The following C1QTNF4 variants were observed in gnomAD, a reference collection of about 807,000 sequenced individuals.
The protein encoded by C1QTNF4 is complement C1q tumor necrosis factor-related protein 4.
Under a neutral mutation model 14.6 loss-of-function variants are expected in C1QTNF4, and 12 were observed. The ratio of observed to expected loss-of-function variants is 0.82; its 90% CI spans 0.53 to 1.33. C1QTNF4 has a LOEUF of 1.33. Ranked by LOEUF, C1QTNF4 falls within the 40% of genes most tolerant of loss-of-function variation. C1QTNF4 has a pLI of 0.00. For missense variants in C1QTNF4, 558 were observed against 500.3 expected (o/e 1.12, Z -1.10); for synonymous variants, 278 against 246.6 (o/e 1.13, Z -1.19).
At chr11:47,592,480 A>G (rs1201387322) in intron 1 of C1QTNF4, among the ~76,000 whole-genome samples, 3 of 152,088 alleles carry the variant, frequency 2.0e-5, no homozygotes, top group African/African-American at 4.8e-5. Context: ...GACAAAAGTG[A>G]TCTGGTCCAG....
chr11:47,590,881 C>T (rs2097275256), intron 1 of C1QTNF4, 66 bp from the exon 2 acceptor site: 7 of 1,431,030 alleles, frequency 4.9e-6, no homozygotes, highest in Non-Finnish European at 6.4e-6. Context: ...GCCCGGCTCT[C>T]CACCGGGAGA....
chr11:47,589,692 C>T lies in C1QTNF4; in HGVS notation c.*129G>A. On this transcript the variant is annotated 3_prime_UTR_variant, in exon 2 of 2. Coordinates refer to ENST00000302514, the MANE Select transcript of C1QTNF4 (RefSeq NM_031909.3). ...TGGGCTGCCGGGCGCTGCGCGTGCC[C>T]GCTTTCCGCTTTATTGGCAGAGTCC... 3.2e-6 allele frequency: 3 copies of T among 930,630 alleles called. No individual in the cohort carries two copies. The highest frequency in any genetic ancestry group is 4.5e-6 in the Non-Finnish European group (3 of 663,882). The allele number at this position is 930,630 out of a possible 1,614,324, so 57.6% of individuals were successfully genotyped here.
At position 47,589,965 on chromosome 11, in the gene C1QTNF4, G is replaced by C; in HGVS notation, c.846C>G (p.Asp282Glu). 1 of 1,610,686 alleles carries C rather than the reference G, an allele frequency of 6.2e-7. No homozygotes were observed. Reference protein sequence around the residue: ...QSVMLALRRGDAVWLLSHDHD... With the variant: ...QSVMLALRRGEAVWLLSHDHD... ...GGTCGTGGCTGAGCAGCCAGACGGC[G>C]TCGCCGCGCCGCAGGGCCAGCATCA... The change falls in exon 2 of 2, where the codon GAC (aspartate) becomes GAG (glutamate). Residue 282 changes from aspartate (D) to glutamate (E), a missense_variant. Physicochemically the swap from Asp to Glu is conservative, Grantham distance 45. Coordinates refer to ENST00000302514, the MANE Select transcript of C1QTNF4 (RefSeq NM_031909.3).
At chr11:47,592,966 G>A (rs574235443) in intron 1 of C1QTNF4, among the ~76,000 whole-genome samples, 17 of 152,316 alleles carry the variant, frequency 1.1e-4, no homozygotes, top group Admixed American at 9.2e-4. Flanking sequence ...GATTAGTTAG[G>A]TGTCCCTTGG....
chr11:47,589,917 G>A lies in C1QTNF4; in HGVS notation c.894C>T (p.Ser298=), dbSNP rs1417825311. 1 of 1,597,632 alleles carries A rather than the reference G, an allele frequency of 6.3e-7. No homozygotes were observed. Among genetic ancestry groups the A allele is most frequent in the Non-Finnish European group, 8.5e-7 (1 of 1,172,170 alleles). The stretch of plus-strand genomic sequence containing the variant: ...AGAAGGTGATGTACTTGCCGTGGTT[G>A]CTGTAGGCGCCGTAGCCGTCGTGGT... ...SHDHDGYGAY[S]NHGKYITFSG... is the part of the protein sequence containing the mutation. Residue 298 remains serine (S), a synonymous_variant, in exon 2 of 2, where the codon AGC becomes AGT. Coordinates refer to ENST00000302514, the MANE Select transcript of C1QTNF4 (RefSeq NM_031909.3).
In C1QTNF4 at chr11:47,589,826, G is replaced by A. The variant is rs1234050308; in HGVS notation, c.985C>T (p.Leu329=). 6 of 1,537,764 alleles carry A rather than the reference G, an allele frequency of 3.9e-6. No homozygotes were observed. Among genetic ancestry groups the A allele is most frequent in the African/African-American group, 1.4e-5 (1 of 72,420 alleles). The change falls in exon 2 of 2, where the codon CTG becomes TTG. Residue 329 remains leucine, a synonymous_variant. Transcript: ENST00000302514. The part of the protein sequence containing the change: ...APPGLGASEL[L] ...GCTCTTCTCTGGCCCGGGGCTCACA[G>A]TAGCTCCGAGGCCCCGAGGCCCGGC...
Position 47,590,296 on chromosome 11 carries a change from G to A in C1QTNF4, c.515C>T (p.Pro172Leu). The A allele has an allele frequency of 8.6e-7, 1 of 1,161,692 alleles. No homozygotes were observed. Among genetic ancestry groups the A allele is most frequent in the Non-Finnish European group, 1.1e-6 (1 of 940,944 alleles). The allele number at this position is 1,161,692 out of a possible 1,614,324, so 72.0% of individuals were successfully genotyped here. A position where few individuals can be genotyped will look rare whatever the true frequency, so the allele number is the denominator to read the frequency against. Residue 172 changes from proline (P) to leucine (L), a missense_variant, in exon 2 of 2, where the codon CCC (proline) becomes CTC (leucine). Transcript: ENST00000302514. ...ADAPARGPPA[P>L]PEPRSAFSAA... The stretch of plus-strand genomic sequence containing the variant: ...CGAGAAGGCCGAGCGCGGCTCGGGG[G>A]GCGCGGGCGGCCCGCGCGCAGGCGC...
In C1QTNF4 at chr11:47,590,472, G is replaced by C; in HGVS notation, c.339C>G (p.Gly113=). The part of the protein sequence containing the change: ...ALAFDEQRRP[G]ARRAASQSAM... ...CGCTCTGGCTGGCTGCGCGCCGCGCGCCTGGCCGCCGCTGCTCGTCGAAGG... is the reference window on the plus strand; with the variant it reads ...CGCTCTGGCTGGCTGCGCGCCGCGCCCCTGGCCGCCGCTGCTCGTCGAAGG... The change falls in exon 2 of 2, where the codon GGC becomes GGG. Residue 113 remains glycine, a synonymous_variant. Transcript: ENST00000302514. 6.5e-7 allele frequency: 1 copy of C among 1,532,062 alleles called. No individual in the cohort carries two copies. The highest frequency in any genetic ancestry group is 1.2e-5 in the South Asian group (1 of 82,566). 94.9% of individuals were successfully genotyped at this position (1,532,062 alleles called of 1,614,324 possible).
Position 47,590,405 on chromosome 11 carries a change from G to A in C1QTNF4, c.406C>T (p.Leu136=), listed in dbSNP as rs1394239296. The A allele has an allele frequency of 1.3e-6, 2 of 1,486,438 alleles. No individual in the cohort carries two copies. Among genetic ancestry groups the A allele is most frequent in the African/African-American group, 1.4e-5 (1 of 70,652 alleles). 92.1% of individuals were successfully genotyped at this position (1,486,438 alleles called of 1,614,324 possible). A position where few individuals can be genotyped will look rare whatever the true frequency, so the allele number is the denominator to read the frequency against. ...LDYGDTVWLR[L]HGAPQYALGA... is the part of the protein sequence containing the mutation. ...AGCGCGTACTGCGGGGCGCCATGCA[G>A]CCGCAGCCACACTGTGTCGCCGTAG... Residue 136 remains leucine, a synonymous_variant, in exon 2 of 2, where the codon CTG becomes TTG. Transcript: ENST00000302514.
At position 47,594,310 on chromosome 11, in the gene C1QTNF4, T is replaced by G. The variant is rs2153796280; in HGVS notation, c.-168A>C. The G allele has an allele frequency of 6.6e-6, 1 of 152,092 alleles. No individual in the cohort carries two copies. The highest frequency in any genetic ancestry group is 2.4e-5 in the African/African-American group (1 of 41,454). The allele number at this position is 152,092 out of a possible 1,614,324, so 9.4% of individuals were successfully genotyped here. ...GGGCTCCGGCTGCTTTTCCCGGCTC[T>G]GAGGCGGCAGCGGACAGGGTGCTGG... On this transcript the variant is annotated 5_prime_UTR_variant, in exon 1 of 2. Transcript: ENST00000302514.
chr11:47,590,038 A>G lies in C1QTNF4; in HGVS notation c.773T>C (p.Ile258Thr). 1.9e-6 allele frequency: 3 copies of G among 1,612,630 alleles called. No homozygotes were observed. Among genetic ancestry groups the G allele is most frequent in the Non-Finnish European group, 2.5e-6 (3 of 1,179,046 alleles). Reference sequence around the variant, plus strand: ...GCGCCGCGACGCGCCGTCGTCGTAAATCATGGCCTGCACCTCGTCGCGGTT... The same window carrying G: ...GCGCCGCGACGCGCCGTCGTCGTAAGTCATGGCCTGCACCTCGTCGCGGTT... ...MKNRDEVQAM[I>T]YDDGASRRRE... Residue 258 changes from isoleucine to threonine, a missense_variant, in exon 2 of 2, where the codon ATT becomes ACT. Ile to Thr is a moderately conservative substitution (Grantham distance 89). Transcript: ENST00000302514.
Position 47,590,615 on chromosome 11 carries a change from C to T in C1QTNF4, c.196G>A (p.Gly66Ser). ...CCGGGCACGCGGCAGCGAAACTGGCCGGTGGCCACATCGAAGTCGCCCCCG... is the reference window on the plus strand; with the variant it reads ...CCGGGCACGCGGCAGCGAAACTGGCTGGTGGCCACATCGAAGTCGCCCCCG... ...NIGGDFDVAT[G>S]QFRCRVPGAY... Residue 66 changes from glycine (G) to serine (S), a missense_variant, in exon 2 of 2, where the codon GGC becomes AGC. Coordinates refer to ENST00000302514, the MANE Select transcript of C1QTNF4 (RefSeq NM_031909.3). The T allele has an allele frequency of 1.2e-6, 2 of 1,609,718 alleles. No individual in the cohort carries two copies. Among genetic ancestry groups the T allele is most frequent in the Non-Finnish European group, 1.7e-6 (2 of 1,178,726 alleles).
At chr11:47,590,926 C>A (rs1289304303) in intron 1 of C1QTNF4, 111 bp from the exon 2 acceptor site, 1 of 1,410,630 alleles carries the variant, frequency 7.1e-7, no homozygotes, top group Non-Finnish European at 9.2e-7. Flanking sequence ...CCTTGACCCA[C>A]AAGTAGGTTT....
Position 47,590,747 on chromosome 11 carries a change from C to T in C1QTNF4, c.64G>A (p.Gly22Ser), listed in dbSNP as rs375316945. 6.9e-6 allele frequency: 11 copies of T among 1,598,288 alleles called. No homozygotes were observed. Among genetic ancestry groups the T allele is most frequent in the African/African-American group, 1.3e-5 (1 of 74,494 alleles). ...AACWALGPTP[G>S]PGSSELRSAF... The stretch of plus-strand genomic sequence containing the variant: ...GAGCGCAGCTCAGAGGATCCCGGGC[C>T]GGGGGTCGGGCCCAGGGCCCAGCAG... The change falls in exon 2 of 2, where the codon GGC becomes AGC. Residue 22 changes from glycine to serine, a missense_variant. Physicochemically the swap from Gly to Ser is moderately conservative, Grantham distance 56. Coordinates refer to ENST00000302514, the MANE Select transcript of C1QTNF4 (RefSeq NM_031909.3).
Position 47,590,765 on chromosome 11 carries a change from C to T in C1QTNF4, c.46G>A (p.Ala16Thr). 1 of 1,564,370 alleles carries T rather than the reference C, an allele frequency of 6.4e-7. No individual in the cohort carries two copies. Among genetic ancestry groups the T allele is most frequent in the Non-Finnish European group, 8.6e-7 (1 of 1,159,270 alleles). Residue 16 changes from alanine (A) to threonine (T), a missense_variant, in exon 2 of 2, where the codon GCC (alanine) becomes ACC (threonine). By Grantham distance (58) the Ala-to-Thr change is moderately conservative. Transcript: ENST00000302514. Reference sequence around the variant, plus strand: ...CCCGGGCCGGGGGTCGGGCCCAGGGCCCAGCAGGCCGCTGGGCCCAGCAGG... The same window carrying T: ...CCCGGGCCGGGGGTCGGGCCCAGGGTCCAGCAGGCCGCTGGGCCCAGCAGG... The part of the protein sequence containing the change: ...LGLLGPAACW[A>T]LGPTPGPGSS...
chr11:47,591,789 A>G (rs1196225026), intron 1 of C1QTNF4, among the ~76,000 whole-genome samples: 2 of 152,180 alleles, frequency 1.3e-5, no homozygotes, highest in Non-Finnish European at 2.9e-5. Context: ...TACACCTCCC[A>G]TTTGACACTC....
rs1312170442 is a variant in C1QTNF4 at position 47,589,670 on chromosome 11, G to A, written c.*151C>T. On this transcript the variant is annotated 3_prime_UTR_variant, in exon 2 of 2. Transcript: ENST00000302514. The stretch of plus-strand genomic sequence containing the variant: ...CAGTCAAGACAGCGCAGGGGCCTGG[G>A]CTGCCGGGCGCTGCGCGTGCCCGCT... 163 of 719,474 alleles carry A rather than the reference G, an allele frequency of 2.3e-4. 2 individuals are homozygous for A. The East Asian group carries it at 5.5e-3, about 24-fold the overall frequency. The allele number at this position is 719,474 out of a possible 1,614,324, so 44.6% of individuals were successfully genotyped here.
Position 47,589,763 on chromosome 11 carries a change from C to T in C1QTNF4, c.*58G>A, listed in dbSNP as rs1332413443. ...GCGCTCGCGCGGGACTTTCGAGCCT[C>T]CGGCCCGGCCTGGCATGCACGCCCC... is the stretch of plus-strand genomic sequence containing the variant. On this transcript the variant is annotated 3_prime_UTR_variant, in exon 2 of 2. Coordinates refer to ENST00000302514, the MANE Select transcript of C1QTNF4 (RefSeq NM_031909.3). The T allele has an allele frequency of 7.1e-7, 1 of 1,414,604 alleles. No individual in the cohort carries two copies. The highest frequency in any genetic ancestry group is 1.5e-5 in the African/African-American group (1 of 66,626). 87.6% of individuals were successfully genotyped at this position (1,414,604 alleles called of 1,614,324 possible).
rs750105618 is a variant in C1QTNF4 at position 47,590,152 on chromosome 11, A to G, written c.659T>C (p.Val220Ala). The G allele has an allele frequency of 6.3e-7, 1 of 1,599,346 alleles. No individual in the cohort carries two copies. Among genetic ancestry groups the G allele is most frequent in the Non-Finnish European group, 8.5e-7 (1 of 1,175,068 alleles). The stretch of plus-strand genomic sequence containing the variant: ...GGCGCCGGGCAGACGGCAGCGGAAC[A>G]CGCCGGCCGCCGCGTCGAAGTCGCC... ...IGGDFDAAAG[V>A]FRCRLPGAYF... is the part of the protein sequence containing the mutation. The change falls in exon 2 of 2, where the codon GTG becomes GCG. Residue 220 changes from valine (V) to alanine (A), a missense_variant. Coordinates refer to ENST00000302514, the MANE Select transcript of C1QTNF4 (RefSeq NM_031909.3).
Sources: allele counts gnomAD v4.1 joint callset (sites outside exome capture counted in the v4.1 genomes callset), GRCh38; gene constraint gnomAD v4.1.1; transcripts MANE v1.5; gene names NCBI Gene and HGNC (gene_info 2026-07-23, HGNC 2026-07-21).